Variants in LRRC4C observed in about 807,000 individuals in gnomAD.
LRRC4C encodes the protein leucine-rich repeat-containing protein 4C.
LRRC4C carries 5 observed loss-of-function variants against 33.6 expected under a neutral mutation model. The observed-to-expected ratio is 0.15, with a 90% CI of 0.08 to 0.31. LRRC4C has a LOEUF of 0.31. LRRC4C is among the 10% of genes least tolerant of loss of function. The pLI is 1.00. For missense variants in LRRC4C, 560 were observed against 796.7 expected, an observed-to-expected ratio of 0.70 and a Z score of 3.58; for synonymous variants, 329 against 302.0, an observed-to-expected ratio of 1.09 and a Z score of -0.93.
chr11:40,428,443 C>T (rs143260027), intron 3 of LRRC4C, among the ~76,000 whole-genome samples: 14 of 152,262 alleles, frequency 9.2e-5, no homozygotes, highest in Non-Finnish European at 1.9e-4. Context: ...CTATCTCTGA[C>T]ATAATATTAT....
At chr11:40,317,870 T>C (rs1435430596) in intron 4 of LRRC4C, among the ~76,000 whole-genome samples, 1 of 152,112 alleles carries the variant, frequency 6.6e-6, no homozygotes. Context: ...AGAGCAGAAG[T>C]CCATATTCTC....
intron 3 of LRRC4C, among the ~76,000 whole-genome samples, chr11:40,360,489 A>G (rs926560527): frequency 3.3e-5 from 5 of 152,176 alleles, no homozygotes; most frequent in Non-Finnish European, 7.3e-5. Context: ...TTACATTCTC[A>G]CCAACTATTT....
intron 5 of LRRC4C, among the ~76,000 whole-genome samples, chr11:40,174,475 T>G (rs1422250486): frequency 1.3e-5 from 2 of 152,206 alleles, no homozygotes; most frequent in African/African-American, 4.8e-5. Context: ...CACTCAAGAC[T>G]GTTAGAAGGC....
chr11:41,371,548 C>A (rs888592240), intron 1 of LRRC4C, among the ~76,000 whole-genome samples: 1 of 151,984 alleles, frequency 6.6e-6, no homozygotes, highest in Non-Finnish European at 1.5e-5. Context: ...GACAACCTAA[C>A]GAAAAAGAAA....
chr11:40,413,701 A>G (rs563959214), intron 3 of LRRC4C, among the ~76,000 whole-genome samples: 41 of 152,272 alleles, frequency 2.7e-4, no homozygotes, highest in African/African-American at 9.9e-4. Flanking sequence ...GAAGATATTT[A>G]TGTAATGAAG....
At chr11:40,572,011 G>A (rs1565516352) in intron 3 of LRRC4C, among the ~76,000 whole-genome samples, 1 of 152,100 alleles carries the variant, frequency 6.6e-6, no homozygotes, top group African/African-American at 2.4e-5. Context: ...TATTACCACA[G>A]GGTTTCCGTA....
intron 2 of LRRC4C, among the ~76,000 whole-genome samples, chr11:40,854,990 T>C (rs1953711061): frequency 1.3e-5 from 2 of 152,242 alleles, no homozygotes; most frequent in African/African-American, 4.8e-5. Context: ...ATTGATAAAC[T>C]CGCTAAAGTT....
At chr11:40,337,272 T>G (rs1946671001) in intron 3 of LRRC4C, among the ~76,000 whole-genome samples, 1 of 152,164 alleles carries the variant, frequency 6.6e-6, no homozygotes, top group Non-Finnish European at 1.5e-5. Flanking sequence ...CAGTAAGGCT[T>G]TACAGACGAA....
At chr11:40,224,137 G>A (rs1839812248) in intron 5 of LRRC4C, among the ~76,000 whole-genome samples, 1 of 152,162 alleles carries the variant, frequency 6.6e-6, no homozygotes, top group African/African-American at 2.4e-5. Context: ...AAGTGATTGA[G>A]CTTCCAATAT....
chr11:41,037,153 TA>T (rs869122484), intron 1 of LRRC4C, among the ~76,000 whole-genome samples: 1 of 127,820 alleles, frequency 7.8e-6, no homozygotes, highest in Non-Finnish European at 1.8e-5. Flanking sequence ...CCCCTTTCTG[TA>T]CAAGAGAAAC....
chr11:41,408,282 C>T (rs7131171), intron 1 of LRRC4C, among the ~76,000 whole-genome samples: 6,904 of 152,136 alleles, frequency 0.045, 508 homozygotes, highest in African/African-American at 0.16. Context: ...AGGCAAATTA[C>T]ACTGGGTTAA....
At chr11:40,465,750 C>T (rs1264895539) in intron 3 of LRRC4C, among the ~76,000 whole-genome samples, 2 of 151,862 alleles carry the variant, frequency 1.3e-5, no homozygotes, top group South Asian at 4.1e-4. Flanking sequence ...GAGTAAGACA[C>T]CATCAGAATG....
At chr11:40,692,452 G>T (rs1269002360) in intron 2 of LRRC4C, among the ~76,000 whole-genome samples, 1 of 151,980 alleles carries the variant, frequency 6.6e-6, no homozygotes, top group Admixed American at 6.6e-5. Context: ...CTGTTTTTCT[G>T]AAAAGTTCAG....
At chr11:41,308,699 GC>G (rs1245026072) in intron 1 of LRRC4C, among the ~76,000 whole-genome samples, 1 of 151,914 alleles carries the variant, frequency 6.6e-6, no homozygotes, top group Non-Finnish European at 1.5e-5. Context: ...AGAGCAAAGG[GC>G]TATTAAAACA....
intron 4 of LRRC4C, among the ~76,000 whole-genome samples, chr11:40,306,679 C>G (rs1945046974): frequency 6.6e-6 from 1 of 152,230 alleles, no homozygotes; most frequent in Non-Finnish European, 1.5e-5. Context: ...AGTGCTTACT[C>G]TGTGTCAGGC....
chr11:41,438,860 T>C (rs1228586408), intron 1 of LRRC4C, among the ~76,000 whole-genome samples: 1 of 152,198 alleles, frequency 6.6e-6, no homozygotes, highest in Non-Finnish European at 1.5e-5. Flanking sequence ...AAAATATGCA[T>C]TAGATAAATT....
At chr11:40,915,881 G>T (rs1465839492) in intron 2 of LRRC4C, among the ~76,000 whole-genome samples, 2 of 152,132 alleles carry the variant, frequency 1.3e-5, no homozygotes, top group African/African-American at 4.8e-5. Flanking sequence ...CAAAAAGTGG[G>T]TGAAGGATAT....
intron 1 of LRRC4C, among the ~76,000 whole-genome samples, chr11:41,188,981 A>G (rs1476080889): frequency 6.7e-6 from 1 of 150,000 alleles, no homozygotes; most frequent in Non-Finnish European, 1.5e-5. Context: ...TAAAAATTAT[A>G]ACCCACGATC....
intron 1 of LRRC4C, among the ~76,000 whole-genome samples, chr11:41,278,187 G>T (rs918523770): frequency 6.6e-6 from 1 of 152,104 alleles, no homozygotes. Flanking sequence ...TGTATATTAA[G>T]TGTTCTCACC....
Sources: allele counts gnomAD v4.1 joint callset (sites outside exome capture counted in the v4.1 genomes callset), GRCh38; gene constraint gnomAD v4.1.1; transcripts MANE v1.5; gene names NCBI Gene and HGNC (gene_info 2026-07-23, HGNC 2026-07-21).